HOOK3: variants seen among roughly 807,000 people sequenced by gnomAD.
The protein encoded by HOOK3 is hook microtubule tethering protein 3.
HOOK3 carries 24 observed loss-of-function variants against 116.3 expected under a neutral mutation model. The observed-to-expected ratio is 0.21, with a 90% CI of 0.15 to 0.29. The LOEUF (loss-of-function observed/expected upper bound fraction) is 0.29, where lower values mean the gene tolerates loss of function less well. HOOK3 is among the 10% of genes least tolerant of loss of function. HOOK3 has a pLI of 1.00. For missense variants in HOOK3, 632 were observed against 830.2 expected (o/e 0.76, Z 2.93); for synonymous variants, 275 against 283.0 (o/e 0.97, Z 0.28).
At chr8:42,950,323 G>A (rs1198003927) in intron 5 of HOOK3, 65 bp from the exon 6 acceptor site, 1 of 1,023,584 alleles carries the variant, frequency 9.8e-7, no homozygotes, top group Non-Finnish European at 1.5e-6. Context: ...TATGAAGTAT[G>A]AGCCTTGATT....
At chr8:42,939,631 C>A (rs1359002143) in intron 4 of HOOK3, among the ~76,000 whole-genome samples, 3 of 149,724 alleles carry the variant, frequency 2.0e-5, no homozygotes, top group Non-Finnish European at 3.0e-5. Context: ...CTGACCCCCC[C>A]ACCTCCCTCC....
In HOOK3 at chr8:42,940,769, A is replaced by G. The variant is rs901506901; in HGVS notation, c.268-2544A>G. Among the ~76,000 whole-genome samples the G allele has an allele frequency of 5.9e-5, 9 of 152,160 alleles. No homozygotes were observed. The East Asian group carries it at 9.7e-4, about 16-fold the overall frequency. ...GAGGAATATCTTTGTGGTGTTTTCT[A>G]TATTTCCTGAATTTGAACGTTGGCC... is the stretch of plus-strand genomic sequence containing the variant. On this transcript the variant is annotated intron_variant, in intron 4 of 21. Coordinates refer to ENST00000307602, the MANE Select transcript of HOOK3 (RefSeq NM_032410.4).
chr8:42,996,010 T>G (rs1367675130), intron 15 of HOOK3, among the ~76,000 whole-genome samples: 1 of 152,174 alleles, frequency 6.6e-6, no homozygotes, highest in Non-Finnish European at 1.5e-5. Context: ...TTTCCCTTCT[T>G]GCAATCCTTC....
Position 43,028,405 on chromosome 8 carries a change from C to T in HOOK3, c.*9907C>T. 5.4e-6 allele frequency: 1 copy of T among 183,882 alleles called. No individual in the cohort carries two copies. The highest frequency in any genetic ancestry group is 1.2e-5 in the Non-Finnish European group (1 of 86,602). The allele number at this position is 183,882 out of a possible 1,614,324, so 11.4% of individuals were successfully genotyped here. A position where few individuals can be genotyped will look rare whatever the true frequency, so the allele number is the denominator to read the frequency against. On this transcript the variant is annotated 3_prime_UTR_variant, in exon 22 of 22. Coordinates refer to ENST00000307602, the MANE Select transcript of HOOK3 (RefSeq NM_032410.4). The stretch of plus-strand genomic sequence containing the variant: ...TGTTATATAGTTAACATTTATCAGG[C>T]AAATTCATATGAATGCTTATTTCAA...
At chr8:42,901,568 G>A (rs560755684) in intron 1 of HOOK3, among the ~76,000 whole-genome samples, 100 of 152,146 alleles carry the variant, frequency 6.6e-4, no homozygotes, top group African/African-American at 2.3e-3. Flanking sequence ...GTTTCACTTT[G>A]GTCTTGCAGC....
intron 3 of HOOK3, among the ~76,000 whole-genome samples, chr8:42,926,656 T>G (rs1807771287): frequency 6.6e-6 from 1 of 152,234 alleles, no homozygotes; most frequent in Non-Finnish European, 1.5e-5. Context: ...TGTGTACCTT[T>G]TACCCAGTTT....
rs148892658 is a variant in HOOK3, at chr8:42,907,023, G to C, written c.143+765G>C. Among the ~76,000 whole-genome samples the C allele has an allele frequency of 4.3e-3, 658 of 152,292 alleles. 4 individuals are homozygous for C. The highest frequency in any genetic ancestry group is 0.015 in the African/African-American group (638 of 41,574). On this transcript the variant is annotated intron_variant, in intron 2 of 21. Transcript: ENST00000307602. ...TTCTGAGTACTTTGAAAACATAATAGTTATGAAATTGATATTATATGACTA... is the reference window on the plus strand; with the variant it reads ...TTCTGAGTACTTTGAAAACATAATACTTATGAAATTGATATTATATGACTA...
At chr8:42,941,912 G>A (rs975541827) in intron 4 of HOOK3, among the ~76,000 whole-genome samples, 1 of 152,106 alleles carries the variant, frequency 6.6e-6, no homozygotes, top group Non-Finnish European at 1.5e-5. Flanking sequence ...TTCATTCCAG[G>A]ATTCTGCTCA....
chr8:42,966,106 TAA>T (rs570629431), intron 9 of HOOK3, among the ~76,000 whole-genome samples: 26 of 152,354 alleles, frequency 1.7e-4, no homozygotes, highest in African/African-American at 5.1e-4. Context: ...TTATTTTTCA[TAA>T]AGAGTATGTT....
Position 42,931,402 on chromosome 8 carries a change from A to T in HOOK3, c.267+1230A>T, listed in dbSNP as rs913913504. On this transcript the variant is annotated intron_variant, in intron 4 of 21. Coordinates refer to ENST00000307602, the MANE Select transcript of HOOK3 (RefSeq NM_032410.4). Reference sequence around the variant, plus strand: ...ATTTGTTGGTTTATTTGGTTGTCTCACCCCATTATATTCTTCTCTTCTCTT... The same window carrying T: ...ATTTGTTGGTTTATTTGGTTGTCTCTCCCCATTATATTCTTCTCTTCTCTT... Among the ~76,000 whole-genome samples, 10 of 119,376 alleles carry T rather than the reference A, an allele frequency of 8.4e-5. No homozygotes were observed. The Admixed American group carries it at 8.4e-4, about 10-fold the overall frequency. 78.3% of individuals were successfully genotyped at this position (119,376 alleles called of 152,430 possible).
chr8:42,994,884 G>A (rs886452064), intron 15 of HOOK3, among the ~76,000 whole-genome samples: 2 of 152,138 alleles, frequency 1.3e-5, no homozygotes, highest in Admixed American at 6.6e-5. Flanking sequence ...AATGGCTTCC[G>A]CCTAGTTGGC....
chr8:42,964,963 C>T (rs1223165119), intron 9 of HOOK3, among the ~76,000 whole-genome samples: 3 of 152,328 alleles, frequency 2.0e-5, no homozygotes, highest in East Asian at 3.9e-4. Flanking sequence ...TCTATCAGAG[C>T]GCCACCCTCC....
intron 7 of HOOK3, among the ~76,000 whole-genome samples, chr8:42,958,233 T>G (rs1163315672): frequency 6.6e-6 from 1 of 152,228 alleles, no homozygotes; most frequent in Non-Finnish European, 1.5e-5. Flanking sequence ...CTTTGTATTC[T>G]TTGACTTCTT....
chr8:43,015,208 A>G (rs1334167305), intron 21 of HOOK3, among the ~76,000 whole-genome samples: 1 of 152,126 alleles, frequency 6.6e-6, no homozygotes, highest in Admixed American at 6.5e-5. Flanking sequence ...AGGAAATCGT[A>G]TCAGAGTTAG....
At chr8:42,943,065 T>G (rs889353811) in intron 4 of HOOK3, among the ~76,000 whole-genome samples, 1 of 151,978 alleles carries the variant, frequency 6.6e-6, no homozygotes, top group African/African-American at 2.4e-5. Context: ...GTACTCAGGG[T>G]TTTTTTGTTT....
At chr8:42,934,773 T>G (rs1351169201) in intron 4 of HOOK3, among the ~76,000 whole-genome samples, 6 of 152,258 alleles carry the variant, frequency 3.9e-5, no homozygotes, top group Non-Finnish European at 5.9e-5. Flanking sequence ...TGTGCCACAT[T>G]TTCTTTATCC....
chr8:42,950,342 C>G (rs1412695173), intron 5 of HOOK3, 46 bp from the exon 6 acceptor site: 1 of 1,251,266 alleles, frequency 8.0e-7, no homozygotes, highest in Non-Finnish European at 1.2e-6. Flanking sequence ...TTCCCTTGAC[C>G]ATCTTTAACT....
chr8:42,964,196 C>G (rs1337772416), intron 8 of HOOK3, 115 bp from the exon 9 acceptor site: 1 of 1,020,356 alleles, frequency 9.8e-7, no homozygotes, highest in East Asian at 2.6e-5. Context: ...GACAGTGAGA[C>G]TCCGCCTCAA....
At chr8:42,903,848 C>CG (rs1319172210) in intron 1 of HOOK3, among the ~76,000 whole-genome samples, 3 of 151,458 alleles carry the variant, frequency 2.0e-5, no homozygotes, top group South Asian at 2.1e-4. Flanking sequence ...CCCAGCTACT[C>CG]GGGGGGCTGA....
Sources: allele counts gnomAD v4.1 joint callset (sites outside exome capture counted in the v4.1 genomes callset), GRCh38; gene constraint gnomAD v4.1.1; transcripts MANE v1.5; gene names NCBI Gene and HGNC (gene_info 2026-07-23, HGNC 2026-07-21).